The following GPR55 variants were observed in gnomAD, a reference collection of about 807,000 sequenced individuals.
GPR55 encodes G-protein coupled receptor 55.
Under a neutral mutation model 7.9 loss-of-function variants are expected in GPR55, and 6 were observed. The ratio of observed to expected loss-of-function variants is 0.76; its 90% CI spans 0.41 to 1.49. GPR55 has a LOEUF of 1.49. GPR55 is among the 40% of genes most tolerant of loss of function. The pLI, the probability that GPR55 is intolerant of heterozygous loss-of-function variation, is 0.01. For synonymous variants in GPR55, 183 were observed against 166.8 expected (o/e 1.10, Z -0.75); for missense variants, 376 against 406.0 (o/e 0.93, Z 0.63).
chr2:230,938,036 T>G (rs752082297), intron 1 of GPR55, among the ~76,000 whole-genome samples: 1 of 150,926 alleles, frequency 6.6e-6, no homozygotes, highest in Non-Finnish European at 1.5e-5. Flanking sequence ...GGTGTGCACC[T>G]GTGGTCCCAG....
upstream of GPR55, among the ~76,000 whole-genome samples, chr2:230,928,791 G>C (rs1690985585): frequency 6.6e-6 from 1 of 152,156 alleles, no homozygotes; most frequent in Non-Finnish European, 1.5e-5. Flanking sequence ...AGGAAGGCAG[G>C]GGAACTCAGG....
At chr2:230,921,916 C>T (rs753987635) in intron 1 of GPR55, among the ~76,000 whole-genome samples, 4 of 152,158 alleles carry the variant, frequency 2.6e-5, no homozygotes, top group South Asian at 2.1e-4. Context: ...GTGATCGTGA[C>T]GTGTTCCACC....
chr2:230,938,487 A>G (rs747853292), intron 1 of GPR55, among the ~76,000 whole-genome samples: 2 of 152,212 alleles, frequency 1.3e-5, no homozygotes, highest in Non-Finnish European at 2.9e-5. Context: ...GATGGTTTTA[A>G]CAAATATTTT....
intron 1 of GPR55, among the ~76,000 whole-genome samples, chr2:230,911,703 A>G (rs1690597105): frequency 6.6e-6 from 1 of 152,190 alleles, no homozygotes; most frequent in Admixed American, 6.5e-5. Context: ...TGTACCCCAA[A>G]GAGAAAACCA....
intron 1 of GPR55, among the ~76,000 whole-genome samples, chr2:230,915,265 C>T (rs1690683125): frequency 6.6e-6 from 1 of 152,220 alleles, no homozygotes. Context: ...TGCATAGCTG[C>T]CAAGGAGCCA....
chr2:230,914,491 C>T (rs999351373), intron 1 of GPR55, among the ~76,000 whole-genome samples: 1 of 152,052 alleles, frequency 6.6e-6, no homozygotes, highest in Non-Finnish European at 1.5e-5. Flanking sequence ...CTCTGAAAGT[C>T]CAAGGAAACC....
intron 1 of GPR55, among the ~76,000 whole-genome samples, chr2:230,951,393 C>G (rs939032338): frequency 1.3e-5 from 2 of 152,090 alleles, no homozygotes; most frequent in African/African-American, 4.8e-5. Flanking sequence ...GGGAGTGTTT[C>G]CCTGAAACAA....
chr2:230,941,972 G>A (rs1273636161), intron 1 of GPR55, among the ~76,000 whole-genome samples: 1 of 152,174 alleles, frequency 6.6e-6, no homozygotes, highest in Non-Finnish European at 1.5e-5. Flanking sequence ...CAGGGGTCCT[G>A]GACATTCTGG....
chr2:230,928,496 C>A (rs980092972), upstream of GPR55: 1 of 152,178 alleles, frequency 6.6e-6, no homozygotes, highest in Non-Finnish European at 1.5e-5. Context: ...GTTTGTGGAT[C>A]ATCTCCTAGG....
At chr2:230,941,354 A>G (rs75539935) in intron 1 of GPR55, among the ~76,000 whole-genome samples, 3,699 of 152,208 alleles carry the variant, frequency 0.024, 138 homozygotes, top group African/African-American at 0.085. Context: ...CAAGCACCAG[A>G]AGTCCCCCAG....
intron 1 of GPR55, among the ~76,000 whole-genome samples, chr2:230,911,353 A>T (rs1266814285): frequency 3.3e-5 from 5 of 152,232 alleles, no homozygotes; most frequent in African/African-American, 1.2e-4. Context: ...AATGGAAAAC[A>T]TGAAAACTAG....
At chr2:230,917,348 G>A (rs1052453130) in intron 1 of GPR55, among the ~76,000 whole-genome samples, 11 of 151,964 alleles carry the variant, frequency 7.2e-5, no homozygotes, top group African/African-American at 2.2e-4. Flanking sequence ...ATAGCCCTTG[G>A]GCTTGGTTTT....
Position 230,918,317 on chromosome 2 carries a change from C to G in GPR55, c.-135+6851G>C, listed in dbSNP as rs552099647. Among the ~76,000 whole-genome samples the G allele has an allele frequency of 4.8e-4, 73 of 152,222 alleles. No homozygotes were observed. In the South Asian group the frequency reaches 0.015, roughly 32 times the overall value. On this transcript the variant is annotated intron_variant, in intron 1 of 1. Transcript: ENST00000650999. The stretch of plus-strand genomic sequence containing the variant: ...AAAATAGCAAGAAACTGCATTGTTA[C>G]GTGTGTGTTGATCTGTTGAAAAACC...
intron 1 of GPR55, among the ~76,000 whole-genome samples, chr2:230,919,880 A>G (rs1690795607): frequency 6.6e-6 from 1 of 151,912 alleles, no homozygotes; most frequent in South Asian, 2.1e-4. Context: ...TCTGACTGTT[A>G]TGTTTATGCT....
intron 1 of GPR55, among the ~76,000 whole-genome samples, chr2:230,938,274 G>T (rs1436428076): frequency 6.6e-6 from 1 of 150,916 alleles, no homozygotes; most frequent in Non-Finnish European, 1.5e-5. Flanking sequence ...ATTTGAGGAA[G>T]TGAGGCCATC....
Position 230,908,025 on chromosome 2 carries a change from GAAAGT to G in GPR55, c.*1973_*1977del, listed in dbSNP as rs1206864696. Reference sequence around the variant, plus strand: ...CAGCCCCAAATGCCCCGTTGCATGTGAAAGTCTGGCTCCCTCAGAGTATCACGGGT... The same window carrying G: ...CAGCCCCAAATGCCCCGTTGCATGTGCTGGCTCCCTCAGAGTATCACGGGT... On this transcript the variant is annotated 3_prime_UTR_variant, in exon 2 of 2. Coordinates refer to ENST00000650999, the MANE Select transcript of GPR55 (RefSeq NM_005683.4). The G allele has an allele frequency of 1.0e-4, 15 of 144,886 alleles. No individual in the cohort carries two copies. The highest frequency in any genetic ancestry group is 3.7e-4 in the African/African-American group (14 of 38,094). The allele number at this position is 144,886 out of a possible 1,614,324, so 9.0% of individuals were successfully genotyped here. A position where few individuals can be genotyped will look rare whatever the true frequency, so the allele number is the denominator to read the frequency against.
chr2:230,908,957 C>A lies in GPR55; in HGVS notation c.*1046G>T, dbSNP rs1273086859. 1 of 152,362 alleles carries A rather than the reference C, an allele frequency of 6.6e-6. No individual in the cohort carries two copies. Among genetic ancestry groups the A allele is most frequent in the Admixed American group, 6.5e-5 (1 of 15,288 alleles). 9.4% of individuals were successfully genotyped at this position (152,362 alleles called of 1,614,324 possible). A position where few individuals can be genotyped will look rare whatever the true frequency, so the allele number is the denominator to read the frequency against. On this transcript the variant is annotated 3_prime_UTR_variant, in exon 2 of 2. Transcript: ENST00000650999. ...CCCAGCTGCCAGGGAGGGACGGCTC[C>A]ATGGGCAGTGCCACGGGTGCCAGCT...
In GPR55 at chr2:230,942,310, C is replaced by T. The variant is rs75937309; in HGVS notation, c.-135+18465G>A. On this transcript the variant is annotated intron_variant, in intron 1 of 1. Transcript: ENST00000392039. ...TTCTGCCTCCTTCTCCTGCCTCAGC[C>T]GGGCCTCCTGGCCCTGCCTCCCTCA... Among the ~76,000 whole-genome samples the T allele has an allele frequency of 5.7e-3, 863 of 152,250 alleles. 8 individuals are homozygous for T. Among genetic ancestry groups the T allele is most frequent in the African/African-American group, 0.02 (819 of 41,532 alleles).
At chr2:230,958,674 T>G (rs1399255998) in intron 1 of GPR55, among the ~76,000 whole-genome samples, 1 of 152,218 alleles carries the variant, frequency 6.6e-6, no homozygotes, top group Non-Finnish European at 1.5e-5. Context: ...TTGTCTTTTA[T>G]TTTATAAACC....
Sources: allele counts gnomAD v4.1 joint callset (sites outside exome capture counted in the v4.1 genomes callset), GRCh38; gene constraint gnomAD v4.1.1; transcripts MANE v1.5; gene names NCBI Gene and HGNC (gene_info 2026-07-23, HGNC 2026-07-21).